Variants in IFNG-AS1 observed in about 807,000 individuals in gnomAD.
The protein encoded by IFNG-AS1 is IFNG antisense RNA 1 (non-protein coding).
intron 2 of IFNG-AS1, among the ~76,000 whole-genome samples, chr12:68,003,884 G>C (rs1344691092): frequency 1.3e-5 from 2 of 149,216 alleles, no homozygotes; most frequent in Non-Finnish European, 3.0e-5. Flanking sequence ...TCCAGCCTGG[G>C]TGAGAGTGAG....
At chr12:68,001,078 C>T (rs1879756592) in intron 2 of IFNG-AS1, among the ~76,000 whole-genome samples, 1 of 152,154 alleles carries the variant, frequency 6.6e-6, no homozygotes, top group Non-Finnish European at 1.5e-5. Context: ...CAAACCAGAG[C>T]ACACACATAC....
At chr12:68,018,536 T>C (rs1880207992) in intron 3 of IFNG-AS1, among the ~76,000 whole-genome samples, 1 of 152,110 alleles carries the variant, frequency 6.6e-6, no homozygotes, top group South Asian at 2.1e-4. Context: ...ACCTTTCTTA[T>C]CTGTCTCTCA....
At chr12:67,998,356 T>C (rs557966214) in intron 2 of IFNG-AS1, among the ~76,000 whole-genome samples, 2 of 151,716 alleles carry the variant, frequency 1.3e-5, no homozygotes, top group African/African-American at 4.8e-5. Context: ...ACAATCCAAA[T>C]AGGTTTTTCT....
exon 2 of IFNG-AS1, chr12:67,995,977 G>C (rs1356035059): frequency 6.6e-6 from 1 of 152,144 alleles, no homozygotes; most frequent in East Asian, 1.9e-4. Flanking sequence ...AGCTGATGAT[G>C]GTGGCAATCT....
chr12:68,002,294 C>A (rs929831614), intron 2 of IFNG-AS1, among the ~76,000 whole-genome samples: 4 of 152,226 alleles, frequency 2.6e-5, no homozygotes, highest in Non-Finnish European at 5.9e-5. Flanking sequence ...GCATAGCACA[C>A]ACCCAGCACT....
At chr12:67,990,065 A>G (rs1245608149) in intron 1 of IFNG-AS1, among the ~76,000 whole-genome samples, 1 of 152,222 alleles carries the variant, frequency 6.6e-6, no homozygotes, top group Admixed American at 6.5e-5. Context: ...GCCATGTCAC[A>G]TATCATAGGT....
chr12:68,001,442 G>A (rs188347172), intron 2 of IFNG-AS1: 52 of 237,478 alleles, frequency 2.2e-4, no homozygotes, highest in African/African-American at 1.2e-3. Flanking sequence ...GGAGTCGTAG[G>A]TGCTCTTATT....
intron 3 of IFNG-AS1, among the ~76,000 whole-genome samples, chr12:68,008,609 T>C (rs2120457050): frequency 6.6e-6 from 1 of 152,250 alleles, no homozygotes; most frequent in Middle Eastern, 3.4e-3. Flanking sequence ...GTAGGATGGC[T>C]CATGGTGAGG....
In IFNG-AS1 at chr12:68,012,627, G is replaced by T. The variant is rs552782805; in HGVS notation, n.241+6481G>T. On this transcript the variant is annotated intron_variant and non_coding_transcript_variant, in intron 3 of 5. Coordinates refer to ENST00000536914, the Ensembl canonical transcript of IFNG-AS1. ...GTGGTTTGAGGGGGTGAAGAATCTG[G>T]ATTCCCTCAGTTGGTTTGACTTGTA... is the stretch of plus-strand genomic sequence containing the variant. Among the ~76,000 whole-genome samples the T allele has an allele frequency of 2.1e-4, 32 of 152,328 alleles. No homozygotes were observed. The South Asian group carries it at 6.0e-3, about 29-fold the overall frequency.
chr12:67,999,941 T>C (rs147153220), intron 2 of IFNG-AS1, among the ~76,000 whole-genome samples: 1 of 152,332 alleles, frequency 6.6e-6, no homozygotes, highest in East Asian at 1.9e-4. Context: ...CCATGATATA[T>C]GTACTGAGAA....
chr12:68,000,384 C>T (rs1031248315), intron 2 of IFNG-AS1, among the ~76,000 whole-genome samples: 13 of 152,300 alleles, frequency 8.5e-5, no homozygotes, highest in African/African-American at 3.1e-4. Context: ...ATGTTGGCCA[C>T]ATGCAGTGAC....
chr12:68,003,960 G>GCAACA (rs60212780), intron 2 of IFNG-AS1, among the ~76,000 whole-genome samples: 82,010 of 150,484 alleles, frequency 0.54, 23,113 homozygotes, highest in Middle Eastern at 0.63. Flanking sequence ...AGGCTATGTT[G>GCAACA]GTTTGTATGT....
intron 3 of IFNG-AS1, chr12:68,013,552 A>G (rs1299405654): frequency 6.6e-5 from 10 of 152,214 alleles, no homozygotes; most frequent in African/African-American, 2.4e-4. Context: ...AAAAACACTA[A>G]GTGGGATGGT....
intron 1 of IFNG-AS1, among the ~76,000 whole-genome samples, chr12:67,991,684 G>A (rs928201579): frequency 2.0e-5 from 3 of 152,168 alleles, no homozygotes; most frequent in East Asian, 1.9e-4. Flanking sequence ...TGGCTTCTCC[G>A]CACCAGGGAG....
intron 3 of IFNG-AS1, among the ~76,000 whole-genome samples, chr12:68,015,953 A>C (rs1420732519): frequency 2.0e-5 from 3 of 147,442 alleles, no homozygotes; most frequent in Non-Finnish European, 3.0e-5. Flanking sequence ...CGGGGGGGGG[A>C]AAAAAAACCT....
In IFNG-AS1 at chr12:67,999,988, A is replaced by G. The variant is rs1331629769; in HGVS notation, n.184+3915A>G. ...CGCTTCTGTGGTAGTCTTACTAAATATGTATAAGCTGAATTTAATCATTAT... is the reference window on the plus strand; with the variant it reads ...CGCTTCTGTGGTAGTCTTACTAAATGTGTATAAGCTGAATTTAATCATTAT... On this transcript the variant is annotated intron_variant and non_coding_transcript_variant, in intron 2 of 5. Coordinates refer to ENST00000536914, the Ensembl canonical transcript of IFNG-AS1. 3.3e-5 allele frequency among the ~76,000 whole-genome samples: 5 copies of G among 152,328 alleles called. No homozygotes were observed. In the East Asian group the frequency reaches 9.6e-4, roughly 29 times the overall value.
At chr12:68,015,487 C>T (rs2120476005) in intron 3 of IFNG-AS1, among the ~76,000 whole-genome samples, 1 of 152,214 alleles carries the variant, frequency 6.6e-6, no homozygotes, top group Admixed American at 6.5e-5. Context: ...CTTCTCATCT[C>T]CTCATATGTG....
At chr12:68,013,063 A>G (rs1347614164) in intron 3 of IFNG-AS1, among the ~76,000 whole-genome samples, 1 of 152,254 alleles carries the variant, frequency 6.6e-6, no homozygotes, top group Non-Finnish European at 1.5e-5. Context: ...TGTCCAGGGC[A>G]TCTTAGCTCA....
chr12:68,009,466 T>A (rs1047437223), intron 3 of IFNG-AS1, among the ~76,000 whole-genome samples: 1 of 152,102 alleles, frequency 6.6e-6, no homozygotes, highest in Admixed American at 6.5e-5. Flanking sequence ...CTCAGCCTCC[T>A]GAGTAGCTGG....
Sources: gnomAD v4.1 joint callset for allele counts (sites outside exome capture counted in the v4.1 genomes callset) on GRCh38, gnomAD v4.1.1 for gene constraint, MANE v1.5 for transcripts, NCBI Gene and HGNC (gene_info 2026-07-23, HGNC 2026-07-21) for gene names.